MED13L: variants seen among roughly 807,000 people sequenced by gnomAD.
MED13L encodes mediator of RNA polymerase II transcription subunit 13-like.
MED13L carries 7 observed loss-of-function variants against 220.9 expected under a neutral mutation model. That is an observed-to-expected ratio of 0.03 (90% CI 0.02 to 0.06). MED13L has a LOEUF of 0.06. Ranked by LOEUF, MED13L falls within the 10% of genes least tolerant of loss-of-function variation. The pLI is 1.00. For synonymous variants in MED13L, 1,011 were observed against 1,015.2 expected, an observed-to-expected ratio of 1.00 and a Z score of 0.08; for missense variants, 1,965 against 2,760.5, an observed-to-expected ratio of 0.71 and a Z score of 6.46.
In MED13L at chr12:116,029,762, A is replaced by C. The variant is rs149584211; in HGVS notation, c.480-7161T>G. On this transcript the variant is annotated intron_variant, in intron 4 of 30. Transcript: ENST00000281928. Reference sequence around the variant, plus strand: ...AATATACACAGAAAAAATTTGAATAAGAAGAAACTGACAAATCTAAAATTA... The same window carrying C: ...AATATACACAGAAAAAATTTGAATACGAAGAAACTGACAAATCTAAAATTA... Among the ~76,000 whole-genome samples, 516 of 152,330 alleles carry C rather than the reference A, an allele frequency of 3.4e-3. 5 individuals carry two copies. The highest frequency in any genetic ancestry group is 0.02 in the Middle Eastern group (6 of 294).
chr12:116,146,635 CA>C (rs1229973952), intron 2 of MED13L, among the ~76,000 whole-genome samples: 1 of 151,810 alleles, frequency 6.6e-6, no homozygotes, highest in African/African-American at 2.4e-5. Flanking sequence ...GAGACGAAGG[CA>C]GGGGGGACTG....
chr12:116,094,038 G>A (rs1054653396), intron 4 of MED13L, among the ~76,000 whole-genome samples: 3 of 152,042 alleles, frequency 2.0e-5, no homozygotes, highest in Non-Finnish European at 4.4e-5. Flanking sequence ...CTTGCAAGTG[G>A]AAGAATAAGA....
At chr12:116,006,884 A>C (rs1592940061) in intron 11 of MED13L, 2 of 208,472 alleles carry the variant, frequency 9.6e-6, no homozygotes, top group East Asian at 2.4e-4. Flanking sequence ...ATGTCTGAAA[A>C]TTTGAAATTA....
intron 4 of MED13L, among the ~76,000 whole-genome samples, chr12:116,058,866 G>A (rs1055677258): frequency 6.6e-6 from 1 of 152,096 alleles, no homozygotes; most frequent in South Asian, 2.1e-4. Context: ...TTTGCAGACT[G>A]ACTCACGACT....
chr12:116,167,168 G>A (rs1166045618), intron 2 of MED13L, among the ~76,000 whole-genome samples: 1 of 152,048 alleles, frequency 6.6e-6, no homozygotes, highest in Non-Finnish European at 1.5e-5. Context: ...ACCTCAGGCA[G>A]AAAAGAAACT....
At chr12:116,035,068 C>T (rs989953556) in intron 4 of MED13L, among the ~76,000 whole-genome samples, 4 of 152,222 alleles carry the variant, frequency 2.6e-5, no homozygotes, top group East Asian at 3.9e-4. Flanking sequence ...ATTCACTAAG[C>T]GCACCTATCT....
intron 8 of MED13L, among the ~76,000 whole-genome samples, chr12:116,014,265 G>A (rs1879593096): frequency 2.0e-5 from 3 of 152,268 alleles, no homozygotes; most frequent in East Asian, 3.9e-4. Context: ...ACATTTCATT[G>A]GCTTCTAAAT....
At chr12:116,012,946 T>C in intron 8 of MED13L, 45 bp from the exon 9 acceptor site, 1 of 1,360,290 alleles carries the variant, frequency 7.4e-7, no homozygotes, top group Non-Finnish European at 1.1e-6. Flanking sequence ...ATAATACCCA[T>C]ACCCCTGGGG....
intron 2 of MED13L, among the ~76,000 whole-genome samples, chr12:116,192,883 A>T (rs550029406): frequency 5.1e-4 from 78 of 152,306 alleles, no homozygotes; most frequent in African/African-American, 1.7e-3. Flanking sequence ...CTGTAATCCC[A>T]GCACTTTGGA....
intron 14 of MED13L, among the ~76,000 whole-genome samples, chr12:116,000,924 C>G (rs1878698132): frequency 6.6e-6 from 1 of 151,608 alleles, no homozygotes; most frequent in Admixed American, 6.6e-5. Flanking sequence ...GTAAAACATA[C>G]ACTGTATTCC....
chr12:116,015,193 C>T lies in MED13L; in HGVS notation c.1091G>A (p.Arg364Lys), dbSNP rs993003177. 2 of 1,613,884 alleles carry T rather than the reference C, an allele frequency of 1.2e-6. No individual in the cohort carries two copies. Among genetic ancestry groups the T allele is most frequent in the Admixed American group, 3.3e-5 (2 of 60,010 alleles). Residue 364 changes from arginine to lysine, a missense_variant, in exon 8 of 31, where the codon AGA becomes AAA. Physicochemically the swap from Arg to Lys is conservative, Grantham distance 26 (BLOSUM62 2). This residue lies in a region of MED13L where 818 missense variants were observed against 1,041.2 expected (regional missense o/e 0.79). Transcript: ENST00000281928. ...GGMITMHSPKRSGKIPPKLHN... is the reference protein window; with the variant it reads ...GGMITMHSPKKSGKIPPKLHN... ...GAGTTTTGGAGGAATCTTCCCCGATCTCTTTGGACTGTGCATCGTTATCAT... is the reference window on the plus strand; with the variant it reads ...GAGTTTTGGAGGAATCTTCCCCGATTTCTTTGGACTGTGCATCGTTATCAT...
At chr12:115,990,642 A>G (rs1877994499) in intron 17 of MED13L, among the ~76,000 whole-genome samples, 1 of 152,220 alleles carries the variant, frequency 6.6e-6, no homozygotes, top group Non-Finnish European at 1.5e-5. Context: ...AGAAGGCTTC[A>G]TGGAAGAGGT....
At position 115,975,526 on chromosome 12, in the gene MED13L, A is replaced by T; in HGVS notation, c.5577T>A (p.Ala1859=). Residue 1859 remains alanine, a synonymous_variant, in exon 24 of 31, where the codon GCT becomes GCA. Coordinates refer to ENST00000281928, the MANE Select transcript of MED13L (RefSeq NM_015335.5). The part of the protein sequence containing the change: ...ELLETCVVNI[A]LPNRSRRSKV... ...TCAAGTCTTCTCACCTGTTTGGTAA[A>T]GCAATATTTACAACGCAGGTCTCTA... is the stretch of plus-strand genomic sequence containing the variant. The T allele has an allele frequency of 6.2e-7, 1 of 1,613,998 alleles. No homozygotes were observed. Among genetic ancestry groups the T allele is most frequent in the South Asian group, 1.1e-5 (1 of 91,074 alleles).
intron 4 of MED13L, among the ~76,000 whole-genome samples, chr12:116,053,461 A>G (rs1163242472): frequency 6.6e-6 from 1 of 152,208 alleles, no homozygotes; most frequent in Non-Finnish European, 1.5e-5. Context: ...TTCGGATAAT[A>G]TGAGACTGGA....
chr12:116,086,283 C>CTTT (rs756507659), intron 4 of MED13L, among the ~76,000 whole-genome samples: 67 of 109,500 alleles, frequency 6.1e-4, no homozygotes, highest in South Asian at 2.2e-3. Flanking sequence ...CACGATAATT[C>CTTT]TTTTTTTTTT....
At chr12:116,270,730 G>T (rs1412820373) in intron 1 of MED13L, among the ~76,000 whole-genome samples, 1 of 151,948 alleles carries the variant, frequency 6.6e-6, no homozygotes, top group Non-Finnish European at 1.5e-5. Flanking sequence ...AATAAACAAT[G>T]AAAGTATATA....
chr12:116,248,297 T>A (rs768108611), intron 1 of MED13L, among the ~76,000 whole-genome samples: 1 of 152,176 alleles, frequency 6.6e-6, no homozygotes, highest in South Asian at 2.1e-4. Flanking sequence ...CAGTCCCAAG[T>A]GGTATCAACA....
chr12:116,016,467 G>T (rs760481104), intron 7 of MED13L, among the ~76,000 whole-genome samples: 1 of 152,092 alleles, frequency 6.6e-6, no homozygotes, highest in Non-Finnish European at 1.5e-5. Context: ...TTTTACAATT[G>T]CTTTTCAAAC....
intron 4 of MED13L, among the ~76,000 whole-genome samples, chr12:116,050,965 A>G (rs934742443): frequency 6.6e-6 from 1 of 152,090 alleles, no homozygotes; most frequent in Non-Finnish European, 1.5e-5. Context: ...AAAACCCAGA[A>G]ATTTACATTC....
Sources: allele counts gnomAD v4.1 joint callset (sites outside exome capture counted in the v4.1 genomes callset), GRCh38; gene constraint gnomAD v4.1.1; regional missense constraint gnomAD v4.1.1; transcripts MANE v1.5; gene names NCBI Gene and HGNC (gene_info 2026-07-23, HGNC 2026-07-21).